The following PATJ variants were observed in gnomAD, a reference collection of about 807,000 sequenced individuals.
PATJ encodes inaD-like protein.
PATJ carries 190 observed loss-of-function variants against 224.9 expected under a neutral mutation model. The observed-to-expected ratio is 0.84, with a 90% CI of 0.75 to 0.95. The LOEUF is 0.95. PATJ is among the 40% of genes least tolerant of loss of function. PATJ has a pLI of 0.00. For missense variants in PATJ, 2,121 were observed against 2,270.3 expected (o/e 0.93, Z 1.34); for synonymous variants, 769 against 820.3 (o/e 0.94, Z 1.07).
intron 1 of PATJ, among the ~76,000 whole-genome samples, chr1:61,743,113 C>G (rs556604996): frequency 6.6e-6 from 1 of 152,270 alleles, no homozygotes; most frequent in South Asian, 2.1e-4. Context: ...GACTTGGGCC[C>G]GGCCGCGTCG....
chr1:61,856,219 G>C lies in PATJ; in HGVS notation c.2302G>C (p.Gly768Arg). Residue 768 changes from glycine to arginine, a missense_variant, in exon 18 of 44, where the codon GGC becomes CGC. Physicochemically the swap from Gly to Arg is moderately radical, Grantham distance 125. Coordinates refer to ENST00000642238, the MANE Select transcript of PATJ (RefSeq NM_001350145.3). ...KAVPPGLVHL[G>R]ICKPLVEDNE... ...TGTGCCACCAGGCCTAGTACACCTT[G>C]GCATCTGTAAGCCTTTGGTGGTAAG... 1 of 1,613,954 alleles carries C rather than the reference G, an allele frequency of 6.2e-7. No individual in the cohort carries two copies. The highest frequency in any genetic ancestry group is 8.5e-7 in the Non-Finnish European group (1 of 1,179,840).
chr1:61,768,342 C>T lies in PATJ; in HGVS notation c.385-941C>T, dbSNP rs570962783. 8.6e-5 allele frequency among the ~76,000 whole-genome samples: 13 copies of T among 151,960 alleles called. 1 individual carries two copies. The South Asian group carries it at 2.1e-3, about 24-fold the overall frequency. ...AAAATTAGCCAGGCGTGGTGGCTGG[C>T]GCCTGTAGTCCCAGCTACTCGGGAG... is the stretch of plus-strand genomic sequence containing the variant. On this transcript the variant is annotated intron_variant, in intron 4 of 43. Transcript: ENST00000642238.
At chr1:61,985,948 C>T (rs1380437740) in intron 27 of PATJ, among the ~76,000 whole-genome samples, 2 of 151,940 alleles carry the variant, frequency 1.3e-5, no homozygotes, top group African/African-American at 4.8e-5. Context: ...TTTTGTTTCC[C>T]CTAACATTAT....
At chr1:62,000,452 G>C (rs936421175) in intron 28 of PATJ, among the ~76,000 whole-genome samples, 6 of 148,918 alleles carry the variant, frequency 4.0e-5, no homozygotes, top group Non-Finnish European at 7.4e-5. Context: ...GCAGTGTTTG[G>C]TTTTTTGTTC....
intron 27 of PATJ, among the ~76,000 whole-genome samples, chr1:61,989,425 C>T (rs1644942956): frequency 6.6e-6 from 1 of 152,174 alleles, no homozygotes; most frequent in Admixed American, 6.6e-5. Context: ...GCTAAACCAA[C>T]ACCCTTAATT....
chr1:62,087,653 T>C (rs1290121768), intron 33 of PATJ, among the ~76,000 whole-genome samples: 1 of 151,592 alleles, frequency 6.6e-6, no homozygotes, highest in African/African-American at 2.4e-5. Context: ...TTGGGCCCCG[T>C]CTAGAAAATC....
intron 27 of PATJ, among the ~76,000 whole-genome samples, chr1:61,943,302 C>A (rs1372787147): frequency 6.6e-6 from 1 of 152,214 alleles, no homozygotes; most frequent in Middle Eastern, 3.2e-3. Context: ...GGCATCGCCT[C>A]ACCCAGGAAG....
chr1:62,026,254 A>T (rs1335949017), intron 29 of PATJ, among the ~76,000 whole-genome samples: 1 of 152,160 alleles, frequency 6.6e-6, no homozygotes, highest in Non-Finnish European at 1.5e-5. Context: ...AGATAGAATG[A>T]TTTGCTTTGT....
rs1217355452 is a variant in PATJ at position 62,162,040 on chromosome 1, T to G, written c.*986T>G. ...AGTCAATTTACAGACTGTAATCTTCTAAAAATTCTGAAAGACTAATTGTTT... is the reference window on the plus strand; with the variant it reads ...AGTCAATTTACAGACTGTAATCTTCGAAAAATTCTGAAAGACTAATTGTTT... On this transcript the variant is annotated 3_prime_UTR_variant, in exon 44 of 44. Coordinates refer to ENST00000642238, the MANE Select transcript of PATJ (RefSeq NM_001350145.3). 6.6e-6 allele frequency: 1 copy of G among 152,066 alleles called. No homozygotes were observed. Among genetic ancestry groups the G allele is most frequent in the Non-Finnish European group, 1.5e-5 (1 of 68,038 alleles). The allele number at this position is 152,066 out of a possible 1,614,324, so 9.4% of individuals were successfully genotyped here.
At chr1:61,794,807 G>A (rs1650696499) in intron 9 of PATJ, among the ~76,000 whole-genome samples, 1 of 151,932 alleles carries the variant, frequency 6.6e-6, no homozygotes, top group Admixed American at 6.6e-5. Context: ...GACCAACATG[G>A]TGAAACCCCA....
chr1:61,888,301 G>C (rs745438018), intron 22 of PATJ, among the ~76,000 whole-genome samples: 4 of 152,068 alleles, frequency 2.6e-5, no homozygotes, highest in Non-Finnish European at 5.9e-5. Context: ...TTTTGAGACA[G>C]GGTCTTACTC....
At chr1:61,872,696 A>G (rs1488028812) in intron 20 of PATJ, among the ~76,000 whole-genome samples, 1 of 152,228 alleles carries the variant, frequency 6.6e-6, no homozygotes, top group Non-Finnish European at 1.5e-5. Flanking sequence ...ATAGGGTCCA[A>G]ATTACCCTTA....
At position 61,766,284 on chromosome 1, in the gene PATJ, C is replaced by A. The variant is rs772424970; in HGVS notation, c.195C>A (p.Asn65Lys). The change falls in exon 4 of 44, where the codon AAC becomes AAA. Residue 65 changes from asparagine to lysine, a missense_variant. Physicochemically the swap from Asn to Lys is moderately conservative, Grantham distance 94. Transcript: ENST00000642238. ...TTTTTTTTTCTCTCCAACAGCTCAA[C>A]CATATACCCTCAGATTGTTCAGCCA... ...QSIKQLKGQL[N>K]HIPSDCSANF... is the part of the protein sequence containing the mutation. 78 of 1,599,504 alleles carry A rather than the reference C, an allele frequency of 4.9e-5. No individual in the cohort carries two copies. The highest frequency in any genetic ancestry group is 6.6e-5 in the Non-Finnish European group (77 of 1,173,030).
At chr1:61,996,658 A>G (rs1215380671) in intron 28 of PATJ, among the ~76,000 whole-genome samples, 1 of 152,150 alleles carries the variant, frequency 6.6e-6, no homozygotes, top group Non-Finnish European at 1.5e-5. Flanking sequence ...AACAGGAAGA[A>G]GAACAAAGAA....
At chr1:62,065,344 C>G (rs1260059478) in intron 31 of PATJ, among the ~76,000 whole-genome samples, 3 of 152,196 alleles carry the variant, frequency 2.0e-5, no homozygotes, top group Non-Finnish European at 2.9e-5. Context: ...GGTGCCGTGG[C>G]TCATGTCTGT....
chr1:61,814,549 C>T (rs10669434), intron 14 of PATJ, among the ~76,000 whole-genome samples: 12,824 of 107,346 alleles, frequency 0.12, 1,034 homozygotes, highest in East Asian at 0.42. Flanking sequence ...TGTGTGTGTG[C>T]GCGCGCGCGC....
chr1:62,114,099 C>T lies in PATJ; in HGVS notation c.4508C>T (p.Thr1503Ile), dbSNP rs750520117. ...LRNSSHEEAI[T>I]ALRQTPQKVR... is the part of the protein sequence containing the mutation. ...AACTCCAGCCACGAAGAAGCCATCACAGCCCTGAGGCAGACCCCCCAGAAG... is the reference window on the plus strand; with the variant it reads ...AACTCCAGCCACGAAGAAGCCATCATAGCCCTGAGGCAGACCCCCCAGAAG... Residue 1503 changes from threonine (T) to isoleucine (I), a missense_variant, in exon 35 of 44, where the codon ACA (threonine) becomes ATA (isoleucine). Thr to Ile is a moderately conservative substitution (Grantham distance 89). Transcript: ENST00000642238. 1.4e-4 allele frequency: 226 copies of T among 1,614,032 alleles called. No individual in the cohort carries two copies. The highest frequency in any genetic ancestry group is 1.9e-4 in the Non-Finnish European group (222 of 1,180,026).
intron 33 of PATJ, among the ~76,000 whole-genome samples, chr1:62,088,554 T>C (rs138843950): frequency 6.6e-6 from 1 of 152,302 alleles, no homozygotes; most frequent in East Asian, 1.9e-4. Flanking sequence ...CTCTACCATT[T>C]ACTAGCTGGG....
chr1:62,041,038 T>A (rs1179826831), intron 30 of PATJ, among the ~76,000 whole-genome samples: 2 of 152,104 alleles, frequency 1.3e-5, no homozygotes, highest in Non-Finnish European at 2.9e-5. Context: ...TTAACAAAAA[T>A]GGTAAATGTT....
Sources: allele counts gnomAD v4.1 joint callset (sites outside exome capture counted in the v4.1 genomes callset), GRCh38; gene constraint gnomAD v4.1.1; transcripts MANE v1.5; gene names NCBI Gene and HGNC (gene_info 2026-07-23, HGNC 2026-07-21).